NELL1: variants seen among roughly 807,000 people sequenced by gnomAD.
NELL1 encodes neural EGFL like 1, also known as protein kinase C-binding protein NELL1.
NELL1 carries 76 observed loss-of-function variants against 107.4 expected under a neutral mutation model. The ratio of observed to expected loss-of-function variants is 0.71; its 90% confidence interval spans 0.59 to 0.86. NELL1 has a LOEUF of 0.86. Among genes scored for constraint, NELL1 ranks in the 40% least tolerant of loss-of-function variants. The probability of loss-of-function intolerance (pLI) is 0.00; values close to 1 mark genes in which losing one functional copy is unlikely to be tolerated. For synonymous variants in NELL1, 353 were observed against 341.2 expected (o/e 1.03, Z -0.38); for missense variants, 1,024 against 1,005.5 (o/e 1.02, Z -0.25).
intron 15 of NELL1, among the ~76,000 whole-genome samples, chr11:21,495,159 G>A (rs565804326): frequency 1.4e-4 from 21 of 152,076 alleles, no homozygotes; most frequent in Admixed American, 7.2e-4. Flanking sequence ...CAATCACTCC[G>A]CGTAATCCCT....
chr11:21,510,932 A>G (rs904819186), intron 15 of NELL1, among the ~76,000 whole-genome samples: 3 of 152,352 alleles, frequency 2.0e-5, no homozygotes, highest in African/African-American at 7.2e-5. Flanking sequence ...TTTATTTAAG[A>G]TAATGGAGAC....
rs180768934 is a variant in NELL1, at chr11:21,300,087, C to G, written c.1549+70633C>G. On this transcript the variant is annotated intron_variant, in intron 14 of 19. Transcript: ENST00000357134. Reference sequence around the variant, plus strand: ...TCTAAGTGCTAGGAAGAAAGGAAAACAAAACAAAACAAAACAGCTGTTGTG... The same window carrying G: ...TCTAAGTGCTAGGAAGAAAGGAAAAGAAAACAAAACAAAACAGCTGTTGTG... Among the ~76,000 whole-genome samples, 309 of 151,930 alleles carry G rather than the reference C, an allele frequency of 2.0e-3. 2 individuals carry two copies. The highest frequency in any genetic ancestry group is 7.0e-3 in the African/African-American group (292 of 41,486).
At chr11:21,568,646 C>T (rs1168757384) in intron 17 of NELL1, among the ~76,000 whole-genome samples, 2 of 151,594 alleles carry the variant, frequency 1.3e-5, no homozygotes, top group Non-Finnish European at 3.0e-5. Flanking sequence ...ACTTATTAAA[C>T]ATTTTTTTCA....
chr11:21,121,370 GA>G (rs1855364254), intron 13 of NELL1, among the ~76,000 whole-genome samples: 1 of 152,160 alleles, frequency 6.6e-6, no homozygotes, highest in South Asian at 2.1e-4. Context: ...AGATGTATAA[GA>G]CGCTGGATAG....
At chr11:21,409,480 T>C (rs1253080974) in intron 15 of NELL1, among the ~76,000 whole-genome samples, 1 of 151,920 alleles carries the variant, frequency 6.6e-6, no homozygotes, top group East Asian at 1.9e-4. Context: ...TACCTAATGC[T>C]AAATGACGAG....
rs189224833 is a variant in NELL1 at position 21,004,619 on chromosome 11, A to C, written c.1300+44059A>C. Among the ~76,000 whole-genome samples the C allele has an allele frequency of 3.9e-5, 6 of 152,264 alleles. No homozygotes were observed. The East Asian group carries it at 1.2e-3, about 29-fold the overall frequency. On this transcript the variant is annotated intron_variant, in intron 12 of 19. Transcript: ENST00000357134. ...TGGATAATTTTATATGTCCATGATTAAGTGAGATAAGAGTAATAAAAGTGA... is the reference window on the plus strand; with the variant it reads ...TGGATAATTTTATATGTCCATGATTCAGTGAGATAAGAGTAATAAAAGTGA...
chr11:20,862,653 G>A (rs944458174), intron 4 of NELL1, among the ~76,000 whole-genome samples: 21 of 115,260 alleles, frequency 1.8e-4, no homozygotes, highest in Admixed American at 9.0e-4. Flanking sequence ...GGTGTTTCTC[G>A]CAGAGGATTT....
chr11:21,002,743 A>T (rs904174264), intron 12 of NELL1, among the ~76,000 whole-genome samples: 3 of 152,188 alleles, frequency 2.0e-5, no homozygotes, highest in African/African-American at 7.2e-5. Context: ...TCTTCTTATA[A>T]GTCACCTTGG....
intron 14 of NELL1, among the ~76,000 whole-genome samples, chr11:21,236,115 C>A (rs1048393063): frequency 1.3e-5 from 2 of 152,094 alleles, no homozygotes; most frequent in Non-Finnish European, 2.9e-5. Flanking sequence ...TACTGGAGTG[C>A]TTAATTCTAT....
At chr11:20,751,770 G>T (rs546999866) in intron 2 of NELL1, among the ~76,000 whole-genome samples, 1 of 152,252 alleles carries the variant, frequency 6.6e-6, no homozygotes. Context: ...GATTACAGAC[G>T]TTAATCACCA....
intron 3 of NELL1, among the ~76,000 whole-genome samples, chr11:20,807,886 A>C (rs1322083043): frequency 6.6e-6 from 1 of 152,130 alleles, no homozygotes; most frequent in African/African-American, 2.4e-5. Flanking sequence ...TTAAGGCCCA[A>C]AGTCTCTTCA....
chr11:21,441,296 G>C (rs1261427821), intron 15 of NELL1, among the ~76,000 whole-genome samples: 1 of 150,254 alleles, frequency 6.7e-6, no homozygotes, highest in African/African-American at 2.5e-5. Flanking sequence ...GGATAATTCT[G>C]AACAGCCATA....
At chr11:20,759,792 TC>T (rs1473197444) in intron 2 of NELL1, among the ~76,000 whole-genome samples, 4 of 152,150 alleles carry the variant, frequency 2.6e-5, no homozygotes, top group Non-Finnish European at 5.9e-5. Context: ...AGAGGTGTCC[TC>T]CCCACTTTGA....
intron 14 of NELL1, among the ~76,000 whole-genome samples, chr11:21,317,986 G>A (rs1849918330): frequency 6.6e-6 from 1 of 151,960 alleles, no homozygotes; most frequent in South Asian, 2.1e-4. Flanking sequence ...ATTTCTTATG[G>A]GGTAAGACAT....
chr11:20,759,553 A>G (rs756234878), intron 2 of NELL1, among the ~76,000 whole-genome samples: 5 of 152,152 alleles, frequency 3.3e-5, no homozygotes, highest in Non-Finnish European at 7.4e-5. Flanking sequence ...TCAGGAATCT[A>G]AGTCTTTCTG....
chr11:20,732,753 A>G (rs1200384075), intron 2 of NELL1, among the ~76,000 whole-genome samples: 1 of 152,182 alleles, frequency 6.6e-6, no homozygotes, highest in Non-Finnish European at 1.5e-5. Context: ...CTGGAAAGTT[A>G]GGTTAGAGCT....
chr11:20,708,102 G>T (rs1484312732), intron 2 of NELL1, among the ~76,000 whole-genome samples: 2 of 152,246 alleles, frequency 1.3e-5, no homozygotes, highest in Admixed American at 1.3e-4. Flanking sequence ...AGACTGCTGT[G>T]CTAGTGGTGA....
intron 13 of NELL1, among the ~76,000 whole-genome samples, chr11:21,145,535 C>T (rs1445319222): frequency 6.6e-6 from 1 of 152,204 alleles, no homozygotes; most frequent in African/African-American, 2.4e-5. Context: ...GGAAATACCA[C>T]AATTAACCTT....
intron 3 of NELL1, among the ~76,000 whole-genome samples, chr11:20,834,113 G>T (rs1489806998): frequency 1.3e-5 from 2 of 152,176 alleles, no homozygotes; most frequent in Non-Finnish European, 2.9e-5. Context: ...CGTGGATTCG[G>T]TGAGACCTGA....
Sources: allele counts gnomAD v4.1 joint callset (sites outside exome capture counted in the v4.1 genomes callset), GRCh38; gene constraint gnomAD v4.1.1; transcripts MANE v1.5; gene names NCBI Gene and HGNC (gene_info 2026-07-23, HGNC 2026-07-21).